CMIP: variants seen among roughly 807,000 people sequenced by gnomAD.
CMIP encodes the protein C-Maf-inducing protein.
Under a neutral mutation model 97.3 loss-of-function variants are expected in CMIP, and 13 were observed. The observed-to-expected ratio is 0.13, with a 90% CI of 0.09 to 0.21. The LOEUF is 0.21. CMIP is among the 10% of genes least tolerant of loss of function. The probability of loss-of-function intolerance (pLI) is 1.00; values close to 1 mark genes in which losing one functional copy is unlikely to be tolerated. For synonymous variants in CMIP, 538 were observed against 436.3 expected, an observed-to-expected ratio of 1.23 and a Z score of -2.91; for missense variants, 847 against 1,024.9, an observed-to-expected ratio of 0.83 and a Z score of 2.37.
intron 3 of CMIP, chr16:81,645,227 T>G: frequency 2.1e-6 from 1 of 471,056 alleles, no homozygotes. Flanking sequence ...GGAAAAAGTT[T>G]TCAAAGCCGG....
At chr16:81,553,496 A>T (rs1214017754) in intron 1 of CMIP, among the ~76,000 whole-genome samples, 1 of 135,202 alleles carries the variant, frequency 7.4e-6, no homozygotes, top group Non-Finnish European at 1.7e-5. Context: ...TGAAGAGCAT[A>T]TATTCCAAAC....
rs1359669106 is a variant in CMIP, at chr16:81,532,612, C to T, written c.301-74955C>T. On this transcript the variant is annotated intron_variant, in intron 1 of 20. Coordinates refer to ENST00000537098, the MANE Select transcript of CMIP (RefSeq NM_198390.3). ...AGTCGGGAGAACCTTTCCCAGGTCC[C>T]GAGGCAGCGGGAGGCGAAGCCAGGA... Among the ~76,000 whole-genome samples the T allele has an allele frequency of 5.3e-5, 8 of 152,120 alleles. No homozygotes were observed. The South Asian group carries it at 1.5e-3, about 28-fold the overall frequency.
At chr16:81,485,260 C>G (rs1449082801) in intron 1 of CMIP, among the ~76,000 whole-genome samples, 1 of 152,222 alleles carries the variant, frequency 6.6e-6, no homozygotes, top group Non-Finnish European at 1.5e-5. Context: ...CCATCCATCT[C>G]CTTGTGAGCT....
At position 81,702,558 on chromosome 16, in the gene CMIP, G is replaced by A. The variant is rs878972352; in HGVS notation, c.1897-64G>A. 5.4e-6 allele frequency: 8 copies of A among 1,473,482 alleles called. No homozygotes were observed. The South Asian group carries it at 7.1e-5, about 13-fold the overall frequency. 91.3% of individuals were successfully genotyped at this position (1,473,482 alleles called of 1,614,324 possible). A position where few individuals can be genotyped will look rare whatever the true frequency, so the allele number is the denominator to read the frequency against. ...GGCTCCATGAGTGTTGTTAACAGAG[G>A]TGGAAGTCTAGAATGGAAACTTGGG... is the stretch of plus-strand genomic sequence containing the variant. On this transcript the variant is annotated intron_variant, in intron 16 of 20. Coordinates refer to ENST00000537098, the MANE Select transcript of CMIP (RefSeq NM_198390.3).
intron 17 of CMIP, 100 bp from the exon 18 acceptor site, chr16:81,703,839 C>T: frequency 1.4e-6 from 2 of 1,458,486 alleles, no homozygotes; most frequent in Admixed American, 2.2e-5. Context: ...GAACAGCTCT[C>T]TGTAGGGCGA....
At chr16:81,465,858 C>T (rs1282352118) in intron 1 of CMIP, among the ~76,000 whole-genome samples, 2 of 152,228 alleles carry the variant, frequency 1.3e-5, no homozygotes, top group Non-Finnish European at 2.9e-5. Flanking sequence ...TTCTGGGTGT[C>T]AGGTGCCCGG....
intron 1 of CMIP, among the ~76,000 whole-genome samples, chr16:81,573,245 G>A (rs2091127890): frequency 6.6e-6 from 1 of 152,050 alleles, no homozygotes; most frequent in Admixed American, 6.5e-5. Flanking sequence ...TCGGGAGGGT[G>A]AGTCAAGAGA....
intron 3 of CMIP, among the ~76,000 whole-genome samples, chr16:81,648,127 C>A (rs1296504873): frequency 1.3e-5 from 2 of 151,062 alleles, no homozygotes; most frequent in Non-Finnish European, 2.9e-5. Flanking sequence ...GTCCTTGTGT[C>A]ACCAAGCATT....
chr16:81,500,205 G>A (rs2089571967), intron 1 of CMIP, among the ~76,000 whole-genome samples: 1 of 151,518 alleles, frequency 6.6e-6, no homozygotes, highest in Non-Finnish European at 1.5e-5. Context: ...GTGGCTTAAC[G>A]ATTCTTTTGG....
At chr16:81,667,795 AGAGAGTGTGTGTGT>A (rs1396430602) in intron 7 of CMIP, among the ~76,000 whole-genome samples, 31 of 68,036 alleles carry the variant, frequency 4.6e-4, no homozygotes, top group African/African-American at 1.4e-3. Flanking sequence ...AGAGAGAGAG[AGAGAGTGTGTGTGT>A]GTGTGTGTGT....
At chr16:81,565,169 A>G (rs2090956942) in intron 1 of CMIP, among the ~76,000 whole-genome samples, 3 of 152,124 alleles carry the variant, frequency 2.0e-5, no homozygotes, top group African/African-American at 4.8e-5. Context: ...CGGCCAAGGG[A>G]TGCCCCAGCC....
chr16:81,445,639 T>TG, intron 1 of CMIP, 98 bp downstream of exon 1: 4 of 1,260,632 alleles, frequency 3.2e-6, no homozygotes, highest in East Asian at 2.6e-5. Context: ...GCCCAGGGCC[T>TG]GGGGGGCGGT....
At position 81,621,218 on chromosome 16, in the gene CMIP, C is replaced by G. The variant is rs1597156487; in HGVS notation, c.477+292C>G. ...GCTTGCTCTCAGAGTGAGGGCGACC[C>G]TGAGGGGAGTCCAGCCGGGGAGGCT... On this transcript the variant is annotated intron_variant, in intron 3 of 20. Coordinates refer to ENST00000537098, the MANE Select transcript of CMIP (RefSeq NM_198390.3). This position sits in a 1 kb window ranked among gnomAD's most constrained non-coding sequence, Gnocchi z 4.1. 3 of 277,666 alleles carry G rather than the reference C, an allele frequency of 1.1e-5. No homozygotes were observed. The highest frequency in any genetic ancestry group is 2.1e-5 in the Non-Finnish European group (3 of 145,038). The allele number at this position is 277,666 out of a possible 1,614,324, so 17.2% of individuals were successfully genotyped here.
At chr16:81,670,409 C>G (rs12920501) in intron 8 of CMIP, among the ~76,000 whole-genome samples, 164 bp downstream of exon 8, 32,437 of 152,098 alleles carry the variant, frequency 0.21, 3,837 homozygotes, top group Middle Eastern at 0.34. Flanking sequence ...CTCGGACACA[C>G]TGGACCTCAG....
chr16:81,577,258 A>G (rs1466978759), intron 1 of CMIP, among the ~76,000 whole-genome samples: 4 of 151,602 alleles, frequency 2.6e-5, no homozygotes, highest in Admixed American at 6.6e-5. Flanking sequence ...TATTATCACT[A>G]TCACCATCAC....
At chr16:81,508,515 T>C (rs61186048) in intron 1 of CMIP, among the ~76,000 whole-genome samples, 2,518 of 152,366 alleles carry the variant, frequency 0.017, 68 homozygotes, top group African/African-American at 0.058. Flanking sequence ...TTCTTACTGA[T>C]GGCTGTTTTT....
At chr16:81,548,082 C>A (rs1279020242) in intron 1 of CMIP, among the ~76,000 whole-genome samples, 1 of 150,760 alleles carries the variant, frequency 6.6e-6, no homozygotes, top group East Asian at 2.0e-4. Flanking sequence ...GTAGTATATA[C>A]ATCATGATTT....
At chr16:81,685,014 C>T (rs1452927751) in intron 10 of CMIP, among the ~76,000 whole-genome samples, 1 of 152,228 alleles carries the variant, frequency 6.6e-6, no homozygotes, top group African/African-American at 2.4e-5. Context: ...TGTGCCGAGG[C>T]CCGTCACAGA....
chr16:81,667,799 AGTGTGT>A (rs71146027), intron 7 of CMIP, among the ~76,000 whole-genome samples: 102 of 58,116 alleles, frequency 1.8e-3, no homozygotes, highest in Admixed American at 4.0e-3. Flanking sequence ...AGAGAGAGAG[AGTGTGT>A]GTGTGTGTGT....
Sources: allele counts gnomAD v4.1 joint callset (sites outside exome capture counted in the v4.1 genomes callset), GRCh38; gene constraint gnomAD v4.1.1; non-coding constraint Gnocchi (gnomAD v3.1); transcripts MANE v1.5; gene names NCBI Gene and HGNC (gene_info 2026-07-23, HGNC 2026-07-21).